Variants in RBBP6 observed in about 807,000 individuals in gnomAD.
RBBP6 encodes RB binding protein 6, ubiquitin ligase.
RBBP6 carries 25 observed loss-of-function variants against 167.7 expected under a neutral mutation model. The observed-to-expected ratio is 0.15, with a 90% CI of 0.11 to 0.21. The LOEUF (loss-of-function observed/expected upper bound fraction) is 0.21, where lower values mean the gene tolerates loss of function less well. RBBP6 is among the 10% of genes least tolerant of loss of function. The pLI, the probability that RBBP6 is intolerant of heterozygous loss-of-function variation, is 1.00. For missense variants in RBBP6, 1,868 were observed against 2,134.2 expected, an observed-to-expected ratio of 0.88 and a Z score of 2.46; for synonymous variants, 789 against 735.8, an observed-to-expected ratio of 1.07 and a Z score of -1.17.
At chr16:24,562,218 T>C (rs1567277049) in intron 10 of RBBP6, 57 bp downstream of exon 10, 2 of 1,459,874 alleles carry the variant, frequency 1.4e-6, no homozygotes, top group Non-Finnish European at 1.9e-6. Context: ...ATGTAGTGTT[T>C]TGTTGTTGGT....
Position 24,571,647 on chromosome 16 carries a change from A to C in RBBP6, c.4581A>C (p.Gly1527=). Reference sequence around the variant, plus strand: ...GAGATTTGCCTAAAAAAGGAACAGGAGATTCCAAAAAAAGTAATTCTAGTC... The same window carrying C: ...GAGATTTGCCTAAAAAAGGAACAGGCGATTCCAAAAAAAGTAATTCTAGTC... ...EERDLPKKGT[G]DSKKSNSSPS... Residue 1527 remains glycine, a synonymous_variant, in exon 18 of 18, where the codon GGA becomes GGC. Coordinates refer to ENST00000319715, the MANE Select transcript of RBBP6 (RefSeq NM_006910.5). The C allele has an allele frequency of 6.2e-7, 1 of 1,613,444 alleles. No individual in the cohort carries two copies. Among genetic ancestry groups the C allele is most frequent in the Non-Finnish European group, 8.5e-7 (1 of 1,179,874 alleles).
At chr16:24,557,497 T>TAG (rs1567274891) in intron 7 of RBBP6, among the ~76,000 whole-genome samples, 1 of 152,130 alleles carries the variant, frequency 6.6e-6, no homozygotes, top group Non-Finnish European at 1.5e-5. Context: ...GGACTGCTGT[T>TAG]CTCTAACTTT....
At position 24,572,754 on chromosome 16, in the gene RBBP6, C is replaced by G. The variant is rs1040441943; in HGVS notation, c.*309C>G. On this transcript the variant is annotated 3_prime_UTR_variant, in exon 18 of 18. Coordinates refer to ENST00000319715, the MANE Select transcript of RBBP6 (RefSeq NM_006910.5). ...ACATTTGAATTTTTTAATTGCCTGGCAAAAGCTGATATAAGTTCTAAAATA... is the reference window on the plus strand; with the variant it reads ...ACATTTGAATTTTTTAATTGCCTGGGAAAAGCTGATATAAGTTCTAAAATA... 4.8e-5 allele frequency: 11 copies of G among 227,836 alleles called. No homozygotes were observed. Among genetic ancestry groups the G allele is most frequent in the Non-Finnish European group, 8.5e-5 (10 of 117,438 alleles). 14.1% of individuals were successfully genotyped at this position (227,836 alleles called of 1,614,324 possible).
intron 13 of RBBP6, among the ~76,000 whole-genome samples, chr16:24,564,442 C>CCTT (rs1899145193): frequency 6.6e-6 from 1 of 152,114 alleles, no homozygotes; most frequent in South Asian, 2.1e-4. Flanking sequence ...ACACTACCTA[C>CCTT]CTTAACATGT....
Position 24,572,096 on chromosome 16 carries a change from T to C in RBBP6, c.5030T>C (p.Leu1677Pro), listed in dbSNP as rs377395215. 1.9e-6 allele frequency: 3 copies of C among 1,614,010 alleles called. No homozygotes were observed. Among genetic ancestry groups the C allele is most frequent in the South Asian group, 2.2e-5 (2 of 91,088 alleles). Reference protein sequence around the residue: ...DKIVEKAKESLDTAAVVQVGI... With the variant: ...DKIVEKAKESPDTAAVVQVGI... ...ATAGTGGAGAAAGCAAAAGAGAGCC[T>C]GGACACAGCAGCAGTTGTCCAGGTG... Residue 1677 changes from leucine (L) to proline (P), a missense_variant, in exon 18 of 18, where the codon CTG becomes CCG. Physicochemically the swap from Leu to Pro is moderately conservative, Grantham distance 98. Transcript: ENST00000319715.
Position 24,570,932 on chromosome 16 carries a change from A to G in RBBP6, c.3866A>G (p.Lys1289Arg), listed in dbSNP as rs1899311615. 1 of 1,598,956 alleles carries G rather than the reference A, an allele frequency of 6.3e-7. No homozygotes were observed. The highest frequency in any genetic ancestry group is 8.6e-7 in the Non-Finnish European group (1 of 1,168,828). Reference protein sequence around the residue: ...VRKSEEKTDTKRTVIKTMEEY... With the variant: ...VRKSEEKTDTRRTVIKTMEEY... ...AAATCTGAAGAAAAAACAGATACAA[A>G]GCGAACTGTGATTAAAACGATGGAA... The change falls in exon 18 of 18, where the codon AAG becomes AGG. Residue 1289 changes from lysine to arginine, a missense_variant. This residue lies in a region of RBBP6 where 673 missense variants were observed against 691.5 expected (regional missense o/e 0.97). Coordinates refer to ENST00000319715, the MANE Select transcript of RBBP6 (RefSeq NM_006910.5).
chr16:24,553,643 G>C (rs1898850289), intron 4 of RBBP6, 86 bp downstream of exon 4: 1 of 1,087,528 alleles, frequency 9.2e-7, no homozygotes, highest in African/African-American at 1.6e-5. Flanking sequence ...AAGAGGGGTT[G>C]GGGGAGGACA....
At chr16:24,545,713 T>A (rs1466204953) in intron 1 of RBBP6, among the ~76,000 whole-genome samples, 1 of 152,228 alleles carries the variant, frequency 6.6e-6, no homozygotes, top group Non-Finnish European at 1.5e-5. Flanking sequence ...TAGAAAACCA[T>A]TTTCTCTTTA....
At chr16:24,556,065 A>G in intron 6 of RBBP6, 148 bp downstream of exon 6, 1 of 871,286 alleles carries the variant, frequency 1.1e-6, no homozygotes, top group East Asian at 2.6e-5. Context: ...CAGGCTTCAA[A>G]TCTTGGTTCT....
In RBBP6 at chr16:24,555,832, A is replaced by AACCTCTAGGTCCACC; in HGVS notation, c.455_469dup (p.Leu152_Pro156dup). On this transcript the variant is annotated inframe_insertion, in exon 6 of 18. Transcript: ENST00000319715. The stretch of plus-strand genomic sequence containing the variant: ...TTTCCCCCTTTTAGTTACATGAAGA[A>AACCTCTAGGTCCACC]ACCTCTAGGTCCACCACCTCCATCT... The AACCTCTAGGTCCACC allele has an allele frequency of 6.2e-7, 1 of 1,608,034 alleles. No individual in the cohort carries two copies. Among genetic ancestry groups the AACCTCTAGGTCCACC allele is most frequent in the Non-Finnish European group, 8.5e-7 (1 of 1,174,926 alleles).
chr16:24,571,584 T>C lies in RBBP6; in HGVS notation c.4518T>C (p.Asp1506=). 1 of 1,612,308 alleles carries C rather than the reference T, an allele frequency of 6.2e-7. No individual in the cohort carries two copies. The highest frequency in any genetic ancestry group is 8.5e-7 in the Non-Finnish European group (1 of 1,179,618). The change falls in exon 18 of 18, where the codon GAT becomes GAC. Residue 1506 remains aspartate, a synonymous_variant. Coordinates refer to ENST00000319715, the MANE Select transcript of RBBP6 (RefSeq NM_006910.5). ...RRKDSPSRNK[D]SASGQKNKPR... ...AAGACTCTCCTTCTCGGAATAAAGA[T>C]TCTGCATCTGGACAGAAAAATAAAC...
At chr16:24,545,934 A>G (rs1336633816) in intron 1 of RBBP6, among the ~76,000 whole-genome samples, 2 of 152,246 alleles carry the variant, frequency 1.3e-5, no homozygotes, top group Non-Finnish European at 2.9e-5. Flanking sequence ...CCACAAAAGT[A>G]GAAGTGCTAG....
At position 24,569,784 on chromosome 16, in the gene RBBP6, G is replaced by C; in HGVS notation, c.3094G>C (p.Glu1032Gln). 6.2e-7 allele frequency: 1 copy of C among 1,613,436 alleles called. No homozygotes were observed. The highest frequency in any genetic ancestry group is 8.5e-7 in the Non-Finnish European group (1 of 1,179,874). The part of the protein sequence containing the change: ...KNDGSAVSKK[E>Q]NIVKPAKGPQ... Reference sequence around the variant, plus strand: ...TGATGGATCTGCTGTGTCCAAAAAAGAAAATATTGTAAAACCTGCTAAAGG... The same window carrying C: ...TGATGGATCTGCTGTGTCCAAAAAACAAAATATTGTAAAACCTGCTAAAGG... Residue 1032 changes from glutamate (E) to glutamine (Q), a missense_variant, in exon 17 of 18, where the codon GAA (glutamate) becomes CAA (glutamine). Around this residue, in one of 7 missense-constraint regions of RBBP6, gnomAD observed 673 missense variants for 691.5 expected, o/e 0.97. Coordinates refer to ENST00000319715, the MANE Select transcript of RBBP6 (RefSeq NM_006910.5).
At chr16:24,544,915 G>A (rs9937097) in intron 1 of RBBP6, among the ~76,000 whole-genome samples, 41,383 of 151,792 alleles carry the variant, frequency 0.27, 5,714 homozygotes, top group Admixed American at 0.34. Context: ...CCCCATATTC[G>A]GTCCATCAGC....
At chr16:24,552,589 CATTTTT>C (rs1898822887) in intron 3 of RBBP6, among the ~76,000 whole-genome samples, 1 of 151,776 alleles carries the variant, frequency 6.6e-6, no homozygotes, top group African/African-American at 2.4e-5. Flanking sequence ...ATTTAAAATA[CATTTTT>C]ATTTTTATTT....
At chr16:24,562,945 T>G (rs1163590034) in intron 10 of RBBP6, among the ~76,000 whole-genome samples, 2 of 152,174 alleles carry the variant, frequency 1.3e-5, no homozygotes, top group African/African-American at 2.4e-5. Context: ...ATTTTAAGTT[T>G]TACTATTCTT....
intron 13 of RBBP6, among the ~76,000 whole-genome samples, chr16:24,563,971 C>T (rs1284370254): frequency 2.0e-5 from 3 of 151,906 alleles, no homozygotes; most frequent in Non-Finnish European, 4.4e-5. Context: ...ATAAGAATTA[C>T]TTGAAAAGTT....
rs774635120 is a variant in RBBP6 at position 24,555,635 on chromosome 16, C to T, written c.369C>T (p.Ala123=). 1.2e-6 allele frequency: 2 copies of T among 1,612,218 alleles called. No homozygotes were observed. Among genetic ancestry groups the T allele is most frequent in the Admixed American group, 1.7e-5 (1 of 59,748 alleles). The change falls in exon 5 of 18, where the codon GCC becomes GCT. Residue 123 remains alanine, a synonymous_variant. Coordinates refer to ENST00000319715, the MANE Select transcript of RBBP6 (RefSeq NM_006910.5). ...QLTKTANLAE[A]NASEEDKIKA... ...AACAGACTGCCAATCTGGCTGAAGC[C>T]AATGCTTCTGAAGAAGATAAAATTA...
Position 24,556,291 on chromosome 16 carries a change from C to G in RBBP6, c.535-17C>G. On this transcript the variant is annotated splice_polypyrimidine_tract_variant and intron_variant, in intron 6 of 17. Coordinates refer to ENST00000319715, the MANE Select transcript of RBBP6 (RefSeq NM_006910.5). ...GCTTTTTCTCTTCCTCCTCCTCTTC[C>G]TTTTTCCTCTGAATAGGATAAAAAC... 1 of 1,539,750 alleles carries G rather than the reference C, an allele frequency of 6.5e-7. No individual in the cohort carries two copies.
Sources: gnomAD v4.1 joint callset for allele counts (sites outside exome capture counted in the v4.1 genomes callset) on GRCh38, gnomAD v4.1.1 for gene constraint, gnomAD v4.1.1 regional missense constraint, MANE v1.5 for transcripts, NCBI Gene and HGNC (gene_info 2026-07-23, HGNC 2026-07-21) for gene names.